APH1A: variants seen among roughly 807,000 people sequenced by gnomAD.
APH1A encodes gamma-secretase subunit APH-1A.
In APH1A, 16 loss-of-function variants were observed where a neutral mutation model predicts 30.3. The ratio of observed to expected loss-of-function variants is 0.53; its 90% CI spans 0.36 to 0.80. APH1A has a LOEUF of 0.80. APH1A is among the 30% of genes least tolerant of loss of function. The pLI, the probability that APH1A is intolerant of heterozygous loss-of-function variation, is 0.01. For synonymous variants in APH1A, 144 were observed against 140.1 expected (o/e 1.03, Z -0.20); for missense variants, 245 against 337.8 (o/e 0.73, Z 2.15).
In APH1A at chr1:150,268,833, G is replaced by A. The variant is rs782339645; in HGVS notation, c.-23C>T. 24 of 1,597,494 alleles carry A rather than the reference G, an allele frequency of 1.5e-5. No individual in the cohort carries two copies. The highest frequency in any genetic ancestry group is 2.2e-5 in the South Asian group (2 of 89,268). On this transcript the variant is annotated 5_prime_UTR_variant, in exon 1 of 7. Transcript: ENST00000369109. Reference sequence around the variant, plus strand: ...CATGGCTGGTCAGGTGGGAAGGGGGGTGGGGGCCTGACCAGGACAGGCAAA... The same window carrying A: ...CATGGCTGGTCAGGTGGGAAGGGGGATGGGGGCCTGACCAGGACAGGCAAA...
At chr1:150,268,537 G>A (rs1651941884) in intron 1 of APH1A, 161 bp downstream of exon 1, 5 of 696,972 alleles carry the variant, frequency 7.2e-6, no homozygotes, top group Admixed American at 5.8e-5. Flanking sequence ...ACCAACTGCG[G>A]GAAAGGACAA....
At chr1:150,268,161 A>G (rs1256794927) in intron 1 of APH1A, 34 bp from the exon 2 acceptor site, 2 of 1,601,958 alleles carry the variant, frequency 1.2e-6, no homozygotes, top group Non-Finnish European at 1.7e-6. Flanking sequence ...GACAAGCAAT[A>G]GTAGTGGGAG....
chr1:150,267,324 G>A lies in APH1A; in HGVS notation c.481+32C>T, dbSNP rs200097244. On this transcript the variant is annotated intron_variant, in intron 4 of 6. Coordinates refer to ENST00000369109, the MANE Select transcript of APH1A (RefSeq NM_001077628.3). The stretch of plus-strand genomic sequence containing the variant: ...TCAGATCAGGGACAAGGATGGATGG[G>A]GGGTAAAGGCTAGATAGAAGGTGGA... 127 of 1,613,760 alleles carry A rather than the reference G, an allele frequency of 7.9e-5. 1 individual carries two copies. In the Admixed American group the frequency reaches 1.7e-3, roughly 22 times the overall value.
rs782546378 is a variant in APH1A at position 150,267,983 on chromosome 1, G to C, written c.258C>G (p.Phe86Leu). 6.2e-7 allele frequency: 1 copy of C among 1,614,114 alleles called. No individual in the cohort carries two copies. Among genetic ancestry groups the C allele is most frequent in the Non-Finnish European group, 8.5e-7 (1 of 1,180,014 alleles). The change falls in exon 2 of 7, where the codon TTC becomes TTG. Residue 86 changes from phenylalanine to leucine, a missense_variant. Physicochemically the swap from Phe to Leu is conservative, Grantham distance 22 (BLOSUM62 0). Transcript: ENST00000369109. ...TAAGCAGCTTGTAGTAGGCAAAGCG[G>C]AACACCTCCTGTAGAAGGACAGAGA... is the stretch of plus-strand genomic sequence containing the variant. ...AAVSVLLQEV[F>L]RFAYYKLLKK...
At position 150,268,965 on chromosome 1, in the gene APH1A, A is replaced by T. The variant is rs1053757105; in HGVS notation, c.-155T>A. On this transcript the variant is annotated 5_prime_UTR_variant, in exon 1 of 7. Coordinates refer to ENST00000369109, the MANE Select transcript of APH1A (RefSeq NM_001077628.3). ...ACCCCGGGGAAGGGGAAGGGGGGGA[A>T]CCGAAACCCCAAATGAAGGTCCGCG... 4 of 617,104 alleles carry T rather than the reference A, an allele frequency of 6.5e-6. No homozygotes were observed. The highest frequency in any genetic ancestry group is 1.1e-5 in the Non-Finnish European group (4 of 351,648). The allele number at this position is 617,104 out of a possible 1,614,324, so 38.2% of individuals were successfully genotyped here.
chr1:150,265,957 GA>G lies in APH1A; in HGVS notation c.*172del, dbSNP rs1553849636. ...AGATGTCCAGTCTTGAGGGAGTACT[GA>G]GAAACTCAGAGCTCATCTATCCTTG... On this transcript the variant is annotated 3_prime_UTR_variant, in exon 7 of 7. Coordinates refer to ENST00000369109, the MANE Select transcript of APH1A (RefSeq NM_001077628.3). 1.3e-6 allele frequency: 1 copy of G among 768,118 alleles called. No homozygotes were observed. Among genetic ancestry groups the G allele is most frequent in the African/African-American group, 1.8e-5 (1 of 56,636 alleles). 47.6% of individuals were successfully genotyped at this position (768,118 alleles called of 1,614,324 possible). A position where few individuals can be genotyped will look rare whatever the true frequency, so the allele number is the denominator to read the frequency against.
At chr1:150,267,862 G>A in intron 2 of APH1A, 73 bp from the exon 3 acceptor site, 1 of 1,612,600 alleles carries the variant, frequency 6.2e-7, no homozygotes. Flanking sequence ...TCCTCCCTTA[G>A]TGCCTCCTCT....
chr1:150,266,822 C>G, intron 5 of APH1A, 166 bp from the exon 6 acceptor site: 2 of 1,059,318 alleles, frequency 1.9e-6, no homozygotes, highest in Non-Finnish European at 2.7e-6. Context: ...TTTTCAGCTC[C>G]TCAGAAACTC....
At position 150,266,512 on chromosome 1, in the gene APH1A, G is replaced by C. The variant is rs199619627; in HGVS notation, c.733+21C>G. The C allele has an allele frequency of 3.1e-6, 5 of 1,613,932 alleles. No homozygotes were observed. In the East Asian group the frequency reaches 1.1e-4, roughly 36 times the overall value. ...GCAGGTGGGATCTGTCAGGCGATCA[G>C]TCCAGGTAGTCAGTCCTTACACAAG... On this transcript the variant is annotated intron_variant, in intron 6 of 6. Transcript: ENST00000369109.
rs782159012 is a variant in APH1A, at chr1:150,268,855, C to G, written c.-45G>C. ...GGGGTGGGGGCCTGACCAGGACAGG[C>G]AAATGGGAGGGGCGCGCCAGCTGGG... is the stretch of plus-strand genomic sequence containing the variant. On this transcript the variant is annotated 5_prime_UTR_variant, in exon 1 of 7. Transcript: ENST00000369109. The G allele has an allele frequency of 2.3e-5, 35 of 1,521,806 alleles. No individual in the cohort carries two copies. Among genetic ancestry groups the G allele is most frequent in the Non-Finnish European group, 3.1e-5 (35 of 1,114,886 alleles). The allele number at this position is 1,521,806 out of a possible 1,614,324, so 94.3% of individuals were successfully genotyped here. A position where few individuals can be genotyped will look rare whatever the true frequency, so the allele number is the denominator to read the frequency against.
rs1471220865 is a variant in APH1A, at chr1:150,266,084, GA to G, written c.*45del. On this transcript the variant is annotated 3_prime_UTR_variant, in exon 7 of 7. Coordinates refer to ENST00000369109, the MANE Select transcript of APH1A (RefSeq NM_001077628.3). ...TGGAGATGGAGAAATACAGGGCGAGGACATCAGGAGGGCACCCCAGGCCCAG... is the reference window on the plus strand; with the variant it reads ...TGGAGATGGAGAAATACAGGGCGAGGCATCAGGAGGGCACCCCAGGCCCAG... 3.9e-6 allele frequency: 6 copies of G among 1,555,274 alleles called. No individual in the cohort carries two copies. The highest frequency in any genetic ancestry group is 1.4e-5 in the African/African-American group (1 of 73,376).
At chr1:150,268,561 A>G in intron 1 of APH1A, 137 bp downstream of exon 1, 1 of 827,786 alleles carries the variant, frequency 1.2e-6, no homozygotes, top group Non-Finnish European at 1.9e-6. Flanking sequence ...TCCCAGACCC[A>G]ACCCCTCACC....
At position 150,268,071 on chromosome 1, in the gene APH1A, A is replaced by T; in HGVS notation, c.170T>A (p.Val57Asp). Residue 57 changes from valine (V) to aspartate (D), a missense_variant, in exon 2 of 7, where the codon GTC becomes GAC. Physicochemically the swap from Val to Asp is radical, Grantham distance 152 (BLOSUM62 -3). Coordinates refer to ENST00000369109, the MANE Select transcript of APH1A (RefSeq NM_001077628.3). ...GGCATCTGACCGGTCGGTCACATGG[A>T]CCAAGATGAACCAGACCACAGAGGC... Reference protein sequence around the residue: ...LLASVVWFILVHVTDRSDARL... With the variant: ...LLASVVWFILDHVTDRSDARL... 6.2e-7 allele frequency: 1 copy of T among 1,614,168 alleles called. No individual in the cohort carries two copies. The highest frequency in any genetic ancestry group is 8.5e-7 in the Non-Finnish European group (1 of 1,180,032).
In APH1A at chr1:150,265,437, T is replaced by C. The variant is rs587595457; in HGVS notation, c.*693A>G. The C allele has an allele frequency of 7.2e-5, 11 of 152,228 alleles. No homozygotes were observed. The highest frequency in any genetic ancestry group is 3.9e-4 in the Admixed American group (6 of 15,288). The allele number at this position is 152,228 out of a possible 1,614,324, so 9.4% of individuals were successfully genotyped here. A position where few individuals can be genotyped will look rare whatever the true frequency, so the allele number is the denominator to read the frequency against. ...TCTTTTTTATTAGTCAAAATCACAATCACCTTGATTAAAAGGATGGGACAC... is the reference window on the plus strand; with the variant it reads ...TCTTTTTTATTAGTCAAAATCACAACCACCTTGATTAAAAGGATGGGACAC... On this transcript the variant is annotated 3_prime_UTR_variant, in exon 7 of 7. Transcript: ENST00000369109.
intron 1 of APH1A, chr1:150,268,408 G>A (rs1651927615): frequency 3.4e-6 from 2 of 589,768 alleles, no homozygotes; most frequent in Non-Finnish European, 5.9e-6. Context: ...CCTCCCCTAA[G>A]GCACCTGACT....
rs201939644 is a variant in APH1A at position 150,267,077 on chromosome 1, G to A, written c.607C>T (p.Leu203=). The change falls in exon 5 of 7, where the codon CTG becomes TTG. Residue 203 remains leucine, a splice_region_variant and synonymous_variant. Transcript: ENST00000369109. ...VVGSHLLTSG[L]TFLNPWYEAS... ...TCAGGCCCCTGTCTCCAACTCACCA[G>A]TCCCGATGTCAGTAGGTGACTCCCA... The A allele has an allele frequency of 4.5e-5, 73 of 1,613,952 alleles. No homozygotes were observed. Among genetic ancestry groups the A allele is most frequent in the Non-Finnish European group, 5.8e-5 (68 of 1,180,004 alleles).
Position 150,266,180 on chromosome 1 carries a change from C to T in APH1A, c.748G>A (p.Asp250Asn). 1 of 1,603,140 alleles carries T rather than the reference C, an allele frequency of 6.2e-7. No homozygotes were observed. Among genetic ancestry groups the T allele is most frequent in the Non-Finnish European group, 8.5e-7 (1 of 1,174,886 alleles). Residue 250 changes from aspartate to asparagine, a missense_variant, in exon 7 of 7, where the codon GAC becomes AAC. Transcript: ENST00000369109. ...GCAGAATACACCATCACCCGACTGT[C>T]CTCCTGCCGTCGGCCTGCAGAGGGG... ...QRSLLCRRQE[D>N]SRVMVYSALR...
chr1:150,266,974 G>A (rs1651777897), intron 5 of APH1A, 101 bp downstream of exon 5: 3 of 1,541,048 alleles, frequency 1.9e-6, no homozygotes, highest in South Asian at 1.2e-5. Flanking sequence ...CCTCCTCCCA[G>A]GTAAGTTAAA....
intron 4 of APH1A, 28 bp downstream of exon 4, chr1:150,267,328 T>A (rs2101850830): frequency 6.2e-7 from 1 of 1,613,388 alleles, no homozygotes; most frequent in East Asian, 2.2e-5. Flanking sequence ...GGATGGGGGG[T>A]AAAGGCTAGA....
Sources: gnomAD v4.1 joint callset for allele counts on GRCh38, gnomAD v4.1.1 for gene constraint, MANE v1.5 for transcripts, NCBI Gene and HGNC (gene_info 2026-07-23, HGNC 2026-07-21) for gene names.